The following ARHGEF19 variants were observed in gnomAD, a reference collection of about 807,000 sequenced individuals.
The protein encoded by ARHGEF19 is Rho guanine nucleotide exchange factor (GEF) 19.
In ARHGEF19, 92 loss-of-function variants were observed where a neutral mutation model predicts 87.6. The observed-to-expected ratio is 1.05, with a 90% CI of 0.89 to 1.25. ARHGEF19 has a LOEUF of 1.25. ARHGEF19 is among the 50% of genes most tolerant of loss of function. The probability of loss-of-function intolerance (pLI) is 0.00; values close to 1 mark genes in which losing one functional copy is unlikely to be tolerated. For missense variants in ARHGEF19, 1,054 were observed against 1,051.8 expected (o/e 1.00, Z -0.03); for synonymous variants, 438 against 446.2 (o/e 0.98, Z 0.23).
Position 16,207,584 on chromosome 1 carries a change from T to C in ARHGEF19, c.812A>G (p.Glu271Gly). The stretch of plus-strand genomic sequence containing the variant: ...GCTCCTGGACCCCAAAGGCGGCTCT[T>C]CCTGTGTGTCTAGCCTAGGAAAGAG... Reference protein sequence around the residue: ...DWSEPRLDTQEEPPLGSRSTN... With the variant: ...DWSEPRLDTQGEPPLGSRSTN... Residue 271 changes from glutamate to glycine, a missense_variant, in exon 5 of 16, where the codon GAA becomes GGA. Coordinates refer to ENST00000270747, the MANE Select transcript of ARHGEF19 (RefSeq NM_153213.5). This position sits in a 1 kb window ranked among gnomAD's most constrained non-coding sequence, Gnocchi z 4.0. 5 of 1,613,972 alleles carry C rather than the reference T, an allele frequency of 3.1e-6. No individual in the cohort carries two copies. The highest frequency in any genetic ancestry group is 3.4e-6 in the Non-Finnish European group (4 of 1,180,000).
intron 14 of ARHGEF19, among the ~76,000 whole-genome samples, chr1:16,200,010 C>T (rs560705982): frequency 6.6e-6 from 1 of 152,320 alleles, no homozygotes. Context: ...TTCGTGACAA[C>T]CTCTCCTCAT....
rs574567380 is a variant in ARHGEF19 at position 16,207,589 on chromosome 1, T to G, written c.807A>C (p.Thr269=). Residue 269 remains threonine, a synonymous_variant, in exon 5 of 16, where the codon ACA becomes ACC. Coordinates refer to ENST00000270747, the MANE Select transcript of ARHGEF19 (RefSeq NM_153213.5). This position sits in a 1 kb window ranked among gnomAD's most constrained non-coding sequence, Gnocchi z 4.0. ...TGGACCCCAAAGGCGGCTCTTCCTG[T>G]GTGTCTAGCCTAGGAAAGAGAGAGC... The part of the protein sequence containing the change: ...EGDWSEPRLD[T]QEEPPLGSRS... 6 of 1,613,960 alleles carry G rather than the reference T, an allele frequency of 3.7e-6. No individual in the cohort carries two copies. In the South Asian group the frequency reaches 4.4e-5, roughly 12 times the overall value.
Position 16,206,223 on chromosome 1 carries a change from A to G in ARHGEF19, c.1255T>C (p.Trp419Arg), listed in dbSNP as rs1334561688. The G allele has an allele frequency of 1.3e-6, 2 of 1,598,148 alleles. No homozygotes were observed. Among genetic ancestry groups the G allele is most frequent in the Non-Finnish European group, 1.7e-6 (2 of 1,172,068 alleles). ...SECLGAQDKQ[W>R]LFSKLPEVKS... Reference sequence around the variant, plus strand: ...ACCTCGGGCAGTTTGGAAAACAGCCACTGCTTGTCCTGCGCCCCCAGACAC... The same window carrying G: ...ACCTCGGGCAGTTTGGAAAACAGCCGCTGCTTGTCCTGCGCCCCCAGACAC... The change falls in exon 7 of 16, where the codon TGG (tryptophan) becomes CGG (arginine). Residue 419 changes from tryptophan (W) to arginine (R), a missense_variant. By Grantham distance (101) the Trp-to-Arg change is moderately radical. Transcript: ENST00000270747. This position sits in a 1 kb window ranked among gnomAD's most constrained non-coding sequence, Gnocchi z 4.6.
chr1:16,209,289 CATTT>C (rs918075657), intron 1 of ARHGEF19, among the ~76,000 whole-genome samples: 1 of 152,232 alleles, frequency 6.6e-6, no homozygotes, highest in Non-Finnish European at 1.5e-5. Context: ...CATACTATCT[CATTT>C]AATCCTCACA....
intron 1 of ARHGEF19, among the ~76,000 whole-genome samples, chr1:16,210,140 C>T (rs1165404938): frequency 6.6e-6 from 1 of 152,284 alleles, no homozygotes; most frequent in African/African-American, 2.4e-5. Context: ...AGCCCCTCAC[C>T]TCTCTGGGCC....
Position 16,198,585 on chromosome 1 carries a change from C to T in ARHGEF19, c.*2G>A. ...GGTGGGGTCCTAGGCCATGGCTGCC[C>T]ATCACACAGGAGCCTCCCCCAGTTT... On this transcript the variant is annotated 3_prime_UTR_variant, in exon 16 of 16. Coordinates refer to ENST00000270747, the MANE Select transcript of ARHGEF19 (RefSeq NM_153213.5). The surrounding 1 kb of genome is among the most constrained non-coding windows in gnomAD (Gnocchi z 4.1). The T allele has an allele frequency of 6.2e-7, 1 of 1,604,204 alleles. No individual in the cohort carries two copies. Among genetic ancestry groups the T allele is most frequent in the South Asian group, 1.1e-5 (1 of 88,918 alleles).
intron 1 of ARHGEF19, among the ~76,000 whole-genome samples, chr1:16,212,046 T>C (rs1351403580): frequency 7.3e-5 from 11 of 150,886 alleles, no homozygotes; most frequent in Non-Finnish European, 1.6e-4. Flanking sequence ...CACCGCCCAA[T>C]GCCCTCTCTA....
At chr1:16,201,144 C>T (rs1485595320) in intron 14 of ARHGEF19, among the ~76,000 whole-genome samples, 1 of 152,056 alleles carries the variant, frequency 6.6e-6, no homozygotes, top group Non-Finnish European at 1.5e-5. Flanking sequence ...ATCACTTGAG[C>T]CCAGGAGGTT....
chr1:16,203,800 T>C (rs1037908279), intron 12 of ARHGEF19, among the ~76,000 whole-genome samples: 14 of 152,320 alleles, frequency 9.2e-5, no homozygotes, highest in African/African-American at 3.1e-4. Context: ...TATGAAGCTT[T>C]ATTGATTCTC....
Position 16,198,698 on chromosome 1 carries a change from C to T in ARHGEF19, c.2298G>A (p.Val766=). Residue 766 remains valine (V), a synonymous_variant, in exon 16 of 16, where the codon GTG becomes GTA. Coordinates refer to ENST00000270747, the MANE Select transcript of ARHGEF19 (RefSeq NM_153213.5). The surrounding 1 kb of genome is among the most constrained non-coding windows in gnomAD (Gnocchi z 4.1). ...VRLADGEKGW[V]PQAYVEEISS... is the part of the protein sequence containing the mutation. ...TGATCTCTTCCACATAGGCCTGGGG[C>T]ACCCACCCCTTCTCACCATCTGCCA... The T allele has an allele frequency of 6.2e-7, 1 of 1,612,694 alleles. No individual in the cohort carries two copies.
chr1:16,211,571 G>C (rs74899643), intron 1 of ARHGEF19, among the ~76,000 whole-genome samples: 6,953 of 151,432 alleles, frequency 0.046, 532 homozygotes, highest in African/African-American at 0.16. Context: ...GCTTCCCGGG[G>C]AGATGAAGCT....
Position 16,208,772 on chromosome 1 carries a change from G to A in ARHGEF19, c.283C>T (p.Arg95Trp), listed in dbSNP as rs778010842. ...GGCCAGCTGCCAGCCCTGCTGGGCC[G>A]CATCCCCCCGCTGGTGATCTCTGTA... ...SDTEITSGGMRPSRAGSWPHC... is the reference protein window; with the variant it reads ...SDTEITSGGMWPSRAGSWPHC... The change falls in exon 2 of 16, where the codon CGG becomes TGG. Residue 95 changes from arginine to tryptophan, a missense_variant. By Grantham distance (101) the Arg-to-Trp change is moderately radical. Transcript: ENST00000270747. The A allele has an allele frequency of 1.4e-5, 22 of 1,612,470 alleles. No homozygotes were observed. The highest frequency in any genetic ancestry group is 8.0e-5 in the African/African-American group (6 of 74,906).
At position 16,206,541 on chromosome 1, in the gene ARHGEF19, G is replaced by T. The variant is rs1158220102; in HGVS notation, c.1138-201C>A. ...GCAAGCCTTTCCTGTCCTCGATCCC[G>T]CCCCTCTCCTAAGCCCCGCCCCGAC... On this transcript the variant is annotated intron_variant, in intron 6 of 15. Coordinates refer to ENST00000270747, the MANE Select transcript of ARHGEF19 (RefSeq NM_153213.5). This position sits in a 1 kb window ranked among gnomAD's most constrained non-coding sequence, Gnocchi z 4.6. 1.7e-5 allele frequency: 10 copies of T among 593,956 alleles called. No homozygotes were observed. Among genetic ancestry groups the T allele is most frequent in the African/African-American group, 9.9e-5 (5 of 50,316 alleles). The allele number at this position is 593,956 out of a possible 1,614,324, so 36.8% of individuals were successfully genotyped here.
In ARHGEF19 at chr1:16,208,674, C is replaced by T; in HGVS notation, c.381G>A (p.Arg127=). ...WSPRHTQPQR[R]ASHGSEKKSA... ...ACTTCTTCTCCGAGCCGTGGCTGGC[C>T]CGGCGCTGTGGCTGTGTGTGTCGGG... Residue 127 remains arginine, a synonymous_variant, in exon 2 of 16, where the codon CGG becomes CGA. Transcript: ENST00000270747. 6.2e-7 allele frequency: 1 copy of T among 1,607,144 alleles called. No homozygotes were observed. Among genetic ancestry groups the T allele is most frequent in the Non-Finnish European group, 8.5e-7 (1 of 1,177,850 alleles).
chr1:16,204,371 T>C (rs376229882), intron 12 of ARHGEF19, among the ~76,000 whole-genome samples: 1 of 152,156 alleles, frequency 6.6e-6, no homozygotes, highest in African/African-American at 2.4e-5. Context: ...AGGGAGGTAT[T>C]TGGAGGATTA....
At chr1:16,208,463 A>C (rs1262753571) in intron 2 of ARHGEF19, among the ~76,000 whole-genome samples, 180 bp downstream of exon 2, 1 of 152,202 alleles carries the variant, frequency 6.6e-6, no homozygotes, top group Non-Finnish European at 1.5e-5. Context: ...TGACTCACTC[A>C]CTGCATAACC....
Position 16,198,813 on chromosome 1 carries a change from A to G in ARHGEF19, c.2252-69T>C. Reference sequence around the variant, plus strand: ...AGGGCCAGGCCTGGAAGGGAACACCACAGCCCTGATGCAAGCTTTGTCTGC... The same window carrying G: ...AGGGCCAGGCCTGGAAGGGAACACCGCAGCCCTGATGCAAGCTTTGTCTGC... On this transcript the variant is annotated intron_variant, in intron 15 of 15. Coordinates refer to ENST00000270747, the MANE Select transcript of ARHGEF19 (RefSeq NM_153213.5). This position sits in a 1 kb window ranked among gnomAD's most constrained non-coding sequence, Gnocchi z 4.1. The G allele has an allele frequency of 6.6e-7, 1 of 1,521,870 alleles. No individual in the cohort carries two copies. Among genetic ancestry groups the G allele is most frequent in the East Asian group, 2.3e-5 (1 of 44,010 alleles). The allele number at this position is 1,521,870 out of a possible 1,614,324, so 94.3% of individuals were successfully genotyped here.
chr1:16,209,015 T>C lies in ARHGEF19; in HGVS notation c.40A>G (p.Thr14Ala). Reference protein sequence around the residue: ...GPPATLQPHLTGPPGTAHHPV... With the variant: ...GPPATLQPHLAGPPGTAHHPV... The stretch of plus-strand genomic sequence containing the variant: ...TGGTGGGCAGTGCCAGGTGGCCCAG[T>C]CAGGTGGGGCTGGAGGGTAGCAGGT... Residue 14 changes from threonine to alanine, a missense_variant, in exon 2 of 16, where the codon ACT becomes GCT. Transcript: ENST00000270747. The C allele has an allele frequency of 6.6e-7, 1 of 1,504,500 alleles. No individual in the cohort carries two copies. Among genetic ancestry groups the C allele is most frequent in the Non-Finnish European group, 8.9e-7 (1 of 1,128,072 alleles). The allele number at this position is 1,504,500 out of a possible 1,614,324, so 93.2% of individuals were successfully genotyped here.
chr1:16,207,571 C>G lies in ARHGEF19; in HGVS notation c.825G>C (p.Leu275Phe). 1 of 1,614,010 alleles carries G rather than the reference C, an allele frequency of 6.2e-7. No homozygotes were observed. The highest frequency in any genetic ancestry group is 8.5e-7 in the Non-Finnish European group (1 of 1,180,012). Residue 275 changes from leucine (L) to phenylalanine (F), a missense_variant, in exon 5 of 16, where the codon TTG becomes TTC. Transcript: ENST00000270747. The surrounding 1 kb of genome is among the most constrained non-coding windows in gnomAD (Gnocchi z 4.0). ...GCCGCTCGTTGGTGCTCCTGGACCCCAAAGGCGGCTCTTCCTGTGTGTCTA... is the reference window on the plus strand; with the variant it reads ...GCCGCTCGTTGGTGCTCCTGGACCCGAAAGGCGGCTCTTCCTGTGTGTCTA... ...PRLDTQEEPPLGSRSTNERRQ... is the reference protein window; with the variant it reads ...PRLDTQEEPPFGSRSTNERRQ...
Sources: allele counts gnomAD v4.1 joint callset (sites outside exome capture counted in the v4.1 genomes callset), GRCh38; gene constraint gnomAD v4.1.1; non-coding constraint Gnocchi (gnomAD v3.1); transcripts MANE v1.5; gene names NCBI Gene and HGNC (gene_info 2026-07-23, HGNC 2026-07-21).